CCNB3: variants seen among roughly 807,000 people sequenced by gnomAD.
CCNB3 encodes cyclin B3, also known as G2/mitotic-specific cyclin-B3.
CCNB3 carries 12 observed loss-of-function variants against 68.0 expected under a neutral mutation model. The ratio of observed to expected loss-of-function variants is 0.18; its 90% CI spans 0.11 to 0.29. CCNB3 has a LOEUF of 0.29. CCNB3 is among the 10% of genes least tolerant of loss of function. CCNB3 has a pLI of 1.00. For missense variants in CCNB3, 904 were observed against 993.1 expected (o/e 0.91, Z 1.21); for synonymous variants, 354 against 388.9 (o/e 0.91, Z 1.06).
intron 1 of CCNB3, among the ~76,000 whole-genome samples, chrX:50,217,523 T>C (rs1935597630): frequency 1.8e-5 from 2 of 110,579 alleles, no homozygotes; most frequent in Admixed American, 9.7e-5. Context: ...CTGCCCACCT[T>C]GGCCTCCCAA....
intron 8 of CCNB3, among the ~76,000 whole-genome samples, chrX:50,317,015 C>T (rs1921757665): frequency 8.9e-6 from 1 of 112,404 alleles, no homozygotes; most frequent in South Asian, 3.7e-4. Context: ...TTAGAAATTG[C>T]CACAGAGTGG....
At chrX:50,206,978 C>T (rs1402611758) in intron 1 of CCNB3, among the ~76,000 whole-genome samples, 7 of 111,226 alleles carry the variant, frequency 6.3e-5, no homozygotes, top group African/African-American at 2.3e-4. Context: ...TGTTGGAAAA[C>T]GTATTCCCAT....
At position 50,351,850 on chromosome X, in the gene CCNB3, T is replaced by C. The variant is rs988351663; in HGVS notation, c.*147T>C. ...TAAATATTTATGTTGCTTGTTTTTA[T>C]GAAAGAAAAAATATTGTCATATTTG... On this transcript the variant is annotated 3_prime_UTR_variant, in exon 13 of 13. Coordinates refer to ENST00000376042, the MANE Select transcript of CCNB3 (RefSeq NM_033031.3). 2 of 409,461 alleles carry C rather than the reference T, an allele frequency of 4.9e-6. No homozygotes were observed. The highest frequency in any genetic ancestry group is 8.1e-6 in the Non-Finnish European group (2 of 246,874). 33.7% of individuals were successfully genotyped at this position (409,461 alleles called of 1,213,427 possible).
intron 1 of CCNB3, among the ~76,000 whole-genome samples, chrX:50,211,318 C>T (rs1399449448): frequency 2.1e-3 from 235 of 110,926 alleles, no homozygotes; most frequent in African/African-American, 6.5e-3. Flanking sequence ...AGTATTATTT[C>T]GTGAAAAAAT....
chrX:50,349,391 A>C (rs782551377), intron 11 of CCNB3, among the ~76,000 whole-genome samples: 103 of 112,447 alleles, frequency 9.2e-4, no homozygotes, highest in African/African-American at 3.2e-3. Flanking sequence ...TGAGAGACCC[A>C]CTTTACACTA....
intron 1 of CCNB3, among the ~76,000 whole-genome samples, chrX:50,225,095 A>G (rs1935730818): frequency 9.0e-6 from 1 of 111,577 alleles, no homozygotes. Context: ...TACAAATTGC[A>G]GTATTACTCC....
At chrX:50,211,220 G>C (rs1935476684) in intron 1 of CCNB3, among the ~76,000 whole-genome samples, 1 of 111,500 alleles carries the variant, frequency 9.0e-6, no homozygotes, top group South Asian at 3.8e-4. Flanking sequence ...CCTAGATCAC[G>C]CCACTGCACT....
chrX:50,216,017 C>T (rs1377457381), intron 1 of CCNB3, among the ~76,000 whole-genome samples: 2 of 93,202 alleles, frequency 2.1e-5, no homozygotes, highest in Non-Finnish European at 4.1e-5. Flanking sequence ...GGTGCGGTCT[C>T]GGCTCACTGC....
chrX:50,280,380 TAAAC>T (rs1426820603), intron 1 of CCNB3, among the ~76,000 whole-genome samples: 3 of 106,294 alleles, frequency 2.8e-5, no homozygotes, highest in Non-Finnish European at 5.8e-5. Context: ...AAATGTTTGT[TAAAC>T]AAACTAATGT....
chrX:50,304,747 T>C (rs1267352645), intron 5 of CCNB3, among the ~76,000 whole-genome samples: 7 of 111,305 alleles, frequency 6.3e-5, no homozygotes, highest in East Asian at 2.8e-4. Flanking sequence ...ATTTTTGCAA[T>C]CTACTCATCT....
intron 3 of CCNB3, 66 bp from the exon 4 acceptor site, chrX:50,288,714 G>A: frequency 1.0e-5 from 8 of 796,795 alleles, no homozygotes; most frequent in Non-Finnish European, 1.5e-5. Context: ...CCCTAAAGAG[G>A]ACCCAAAGTC....
At chrX:50,298,535 A>G (rs1557211624) in intron 5 of CCNB3, among the ~76,000 whole-genome samples, 1 of 111,926 alleles carries the variant, frequency 8.9e-6, no homozygotes, top group African/African-American at 3.2e-5. Context: ...TCCTTTTGCC[A>G]GTATTTTATT....
At chrX:50,207,871 C>A (rs73211775) in intron 1 of CCNB3, among the ~76,000 whole-genome samples, 2 of 110,986 alleles carry the variant, frequency 1.8e-5, no homozygotes, top group African/African-American at 6.6e-5. Context: ...TTTTTAATCA[C>A]CCCCAGAAGA....
At chrX:50,285,583 G>A (rs919132504) in intron 3 of CCNB3, among the ~76,000 whole-genome samples, 1 of 111,446 alleles carries the variant, frequency 9.0e-6, no homozygotes, top group African/African-American at 3.3e-5. Context: ...TGAAAGACTG[G>A]TACATTCTGG....
chrX:50,225,450 GGAAATTAC>G (rs1238431045), intron 1 of CCNB3, among the ~76,000 whole-genome samples: 4 of 110,364 alleles, frequency 3.6e-5, no homozygotes, highest in Non-Finnish European at 7.6e-5. Context: ...AAATTCTGTG[GGAAATTAC>G]TGAAGAAGGG....
intron 8 of CCNB3, among the ~76,000 whole-genome samples, chrX:50,341,185 C>T (rs891402699): frequency 5.5e-5 from 6 of 109,271 alleles, no homozygotes; most frequent in Non-Finnish European, 9.5e-5. Context: ...AAAAAATTAG[C>T]CGGGCGTGGT....
intron 1 of CCNB3, among the ~76,000 whole-genome samples, chrX:50,280,151 AATATATATAAATATATATAGAAT>A (rs1329708069): frequency 2.9e-4 from 27 of 93,463 alleles, no homozygotes; most frequent in African/African-American, 5.1e-4. Flanking sequence ...ATATATATAG[AATATATATAAATATATATAGAAT>A]ATATATATAA....
At position 50,335,727 on chromosome X, in the gene CCNB3, A is replaced by C. The variant is rs1299275875; in HGVS notation, c.3517-6475A>C. On this transcript the variant is annotated intron_variant, in intron 8 of 12. Coordinates refer to ENST00000376042, the MANE Select transcript of CCNB3 (RefSeq NM_033031.3). ...TCTCTTGGCCTGGCTCGGTCAGAAA[A>C]AGTCTCCATTCTTTTTCCCTGGTGA... Among the ~76,000 whole-genome samples, 14 of 111,221 alleles carry C rather than the reference A, an allele frequency of 1.3e-4. No homozygotes were observed. The Admixed American group carries it at 1.3e-3, about 11-fold the overall frequency.
Position 50,313,845 on chromosome X carries a change from A to G in CCNB3, c.3424-11A>G, listed in dbSNP as rs782312127. 18 of 1,166,072 alleles carry G rather than the reference A, an allele frequency of 1.5e-5. No homozygotes were observed. Among genetic ancestry groups the G allele is most frequent in the Non-Finnish European group, 2.1e-5 (18 of 855,611 alleles). ...GTTTATTTATTAACATTTCTTTCTC[A>G]TCAATGCCAGGAACAGTTTATACTT... On this transcript the variant is annotated splice_polypyrimidine_tract_variant and intron_variant, in intron 7 of 12. Transcript: ENST00000376042.
Sources: allele counts gnomAD v4.1 joint callset (sites outside exome capture counted in the v4.1 genomes callset), GRCh38; gene constraint gnomAD v4.1.1; transcripts MANE v1.5; gene names NCBI Gene and HGNC (gene_info 2026-07-23, HGNC 2026-07-21).